Variants in ROR1 observed in about 807,000 individuals in gnomAD.
ROR1 encodes the protein ROR family WNT receptor 1, also known as inactive tyrosine-protein kinase transmembrane receptor ROR1.
In ROR1, 19 loss-of-function variants were observed where a neutral mutation model predicts 78.8. That is an observed-to-expected ratio of 0.24 (90% CI 0.17 to 0.35). The LOEUF is 0.35. ROR1 is among the 10% of genes least tolerant of loss of function. The probability of loss-of-function intolerance (pLI) is 1.00; values close to 1 mark genes in which losing one functional copy is unlikely to be tolerated. For synonymous variants in ROR1, 386 were observed against 433.6 expected (o/e 0.89, Z 1.36); for missense variants, 917 against 1,177.8 (o/e 0.78, Z 3.24).
chr1:63,982,661 C>G (rs1646219388), intron 1 of ROR1, among the ~76,000 whole-genome samples: 1 of 152,152 alleles, frequency 6.6e-6, no homozygotes, highest in Admixed American at 6.6e-5. Context: ...AATGCCCTTA[C>G]AGACTCTGGG....
chr1:63,873,055 GTCTTC>G (rs1322744074), intron 1 of ROR1, among the ~76,000 whole-genome samples: 2 of 152,020 alleles, frequency 1.3e-5, no homozygotes, highest in Non-Finnish European at 2.9e-5. Flanking sequence ...GAGGTATTCT[GTCTTC>G]TCTTTTCTTT....
chr1:63,855,437 A>G (rs2100336636), intron 1 of ROR1, among the ~76,000 whole-genome samples: 1 of 152,250 alleles, frequency 6.6e-6, no homozygotes, highest in African/African-American at 2.4e-5. Context: ...AGTTACATGT[A>G]TATTAGGCCA....
At chr1:64,006,149 A>G (rs1646425932) in intron 1 of ROR1, among the ~76,000 whole-genome samples, 1 of 152,260 alleles carries the variant, frequency 6.6e-6, no homozygotes, top group Non-Finnish European at 1.5e-5. Flanking sequence ...TAAAATTAAC[A>G]CTGTAAAATG....
At chr1:63,947,161 C>T (rs977923967) in intron 1 of ROR1, among the ~76,000 whole-genome samples, 13 of 152,176 alleles carry the variant, frequency 8.5e-5, no homozygotes, top group African/African-American at 2.9e-4. Context: ...AGACTAAACA[C>T]ACGTTGCCCA....
At chr1:64,020,808 T>C (rs1646559053) in intron 2 of ROR1, among the ~76,000 whole-genome samples, 1 of 152,158 alleles carries the variant, frequency 6.6e-6, no homozygotes, top group Non-Finnish European at 1.5e-5. Context: ...CTGCAACCCG[T>C]TGCAGACATT....
chr1:63,860,588 C>CACACACACACACACACACACACAT (rs1645174041), intron 1 of ROR1, among the ~76,000 whole-genome samples: 1 of 145,450 alleles, frequency 6.9e-6, no homozygotes, highest in African/African-American at 2.6e-5. Context: ...CACACACACA[C>CACACACACACACACACACACACAT]ACACACACAC....
chr1:63,821,585 C>G (rs1193234669), intron 1 of ROR1, among the ~76,000 whole-genome samples: 1 of 152,310 alleles, frequency 6.6e-6, no homozygotes, highest in East Asian at 1.9e-4. Context: ...AAAAATCTGT[C>G]TTCTGAAATT....
intron 1 of ROR1, among the ~76,000 whole-genome samples, chr1:63,822,262 T>C (rs1557513450): frequency 6.6e-6 from 1 of 152,202 alleles, no homozygotes; most frequent in Non-Finnish European, 1.5e-5. Flanking sequence ...ACATAGTGGA[T>C]GCGAAATAGA....
intron 2 of ROR1, among the ~76,000 whole-genome samples, chr1:64,027,682 T>A (rs1370338188): frequency 6.6e-6 from 1 of 152,062 alleles, no homozygotes. Flanking sequence ...ATGATATTAA[T>A]TTCGTTCTTT....
In ROR1 at chr1:64,142,301, G is replaced by T. The variant is rs1483803058; in HGVS notation, c.929-104G>T. 5.3e-6 allele frequency: 8 copies of T among 1,510,504 alleles called. No homozygotes were observed. The East Asian group carries it at 1.7e-4, about 31-fold the overall frequency. The allele number at this position is 1,510,504 out of a possible 1,614,324, so 93.6% of individuals were successfully genotyped here. A position where few individuals can be genotyped will look rare whatever the true frequency, so the allele number is the denominator to read the frequency against. On this transcript the variant is annotated intron_variant, in intron 6 of 8. Transcript: ENST00000371079. ...TGACCAGCAGGGAAGCTGTGGCCACGAGGTTAATTACCTGCCCTCCCCTCC... is the reference window on the plus strand; with the variant it reads ...TGACCAGCAGGGAAGCTGTGGCCACTAGGTTAATTACCTGCCCTCCCCTCC...
chr1:63,789,498 A>G (rs1434522380), intron 1 of ROR1, among the ~76,000 whole-genome samples: 1 of 152,152 alleles, frequency 6.6e-6, no homozygotes, highest in African/African-American at 2.4e-5. Context: ...GAACATGGCA[A>G]AGAGGGACAG....
chr1:63,998,496 A>T (rs529741546), intron 1 of ROR1, among the ~76,000 whole-genome samples: 1 of 152,186 alleles, frequency 6.6e-6, no homozygotes, highest in African/African-American at 2.4e-5. Flanking sequence ...GTGCATCAAC[A>T]TATTCTGTTT....
intron 1 of ROR1, among the ~76,000 whole-genome samples, chr1:63,832,156 T>A (rs1644992553): frequency 6.6e-6 from 1 of 152,166 alleles, no homozygotes; most frequent in Admixed American, 6.5e-5. Flanking sequence ...TAAAAATCAT[T>A]AAACAAGTCT....
chr1:64,121,669 T>C (rs960214968), intron 4 of ROR1, among the ~76,000 whole-genome samples: 2 of 152,158 alleles, frequency 1.3e-5, no homozygotes, highest in African/African-American at 4.8e-5. Context: ...CTCATTATTG[T>C]TTTTATATTA....
chr1:63,835,066 A>C (rs1043925814), intron 1 of ROR1, among the ~76,000 whole-genome samples: 16 of 152,078 alleles, frequency 1.1e-4, no homozygotes, highest in African/African-American at 3.4e-4. Flanking sequence ...CACAGCTTCA[A>C]ATAAGGTGGT....
chr1:64,021,940 C>T (rs112483532), intron 2 of ROR1, among the ~76,000 whole-genome samples: 103 of 152,214 alleles, frequency 6.8e-4, no homozygotes, highest in African/African-American at 2.1e-3. Context: ...AATGCAGGTA[C>T]GCACATATTC....
intron 1 of ROR1, among the ~76,000 whole-genome samples, chr1:64,002,499 T>C (rs536614859): frequency 2.6e-5 from 4 of 152,304 alleles, no homozygotes; most frequent in African/African-American, 9.6e-5. Context: ...AATGAATAAG[T>C]CAATCTCTAT....
chr1:63,789,043 G>C (rs1644709212), intron 1 of ROR1: 1 of 628,068 alleles, frequency 1.6e-6, no homozygotes, highest in South Asian at 1.4e-5. Context: ...TCTGGCATCC[G>C]GGCATTGGTT....
At chr1:64,065,030 G>A (rs1428272222) in intron 4 of ROR1, among the ~76,000 whole-genome samples, 1 of 151,990 alleles carries the variant, frequency 6.6e-6, no homozygotes, top group Non-Finnish European at 1.5e-5. Flanking sequence ...GTGTAGAGGG[G>A]TGCTCTGATC....
Sources: gnomAD v4.1 joint callset for allele counts (sites outside exome capture counted in the v4.1 genomes callset) on GRCh38, gnomAD v4.1.1 for gene constraint, MANE v1.5 for transcripts, NCBI Gene and HGNC (gene_info 2026-07-23, HGNC 2026-07-21) for gene names.